TRPM8: variants seen among roughly 807,000 people sequenced by gnomAD.
TRPM8 encodes TRPM8 cationic channel.
A neutral mutation model predicts 133.7 loss-of-function variants in TRPM8; 110 were observed. The observed-to-expected ratio is 0.82, with a 90% confidence interval of 0.70 to 0.96. The LOEUF (loss-of-function observed/expected upper bound fraction) is 0.96, where lower values mean the gene tolerates loss of function less well. Among genes scored for constraint, TRPM8 ranks in the 40% least tolerant of loss-of-function variants. TRPM8 has a pLI of 0.00. For missense variants in TRPM8, 1,291 were observed against 1,379.5 expected (o/e 0.94, Z 1.02); for synonymous variants, 535 against 532.3 (o/e 1.01, Z -0.07).
intron 8 of TRPM8, among the ~76,000 whole-genome samples, chr2:233,947,992 G>A (rs1691086000): frequency 6.6e-6 from 1 of 151,990 alleles, no homozygotes; most frequent in Non-Finnish European, 1.5e-5. Context: ...ATTTTCAAGA[G>A]CTCATTTTTC....
chr2:234,011,647 A>G (rs1005909317), intron 24 of TRPM8, among the ~76,000 whole-genome samples: 6 of 152,076 alleles, frequency 3.9e-5, no homozygotes, highest in Non-Finnish European at 1.5e-5. Context: ...GGCCGGGCGC[A>G]GTGGTTCATG....
intron 2 of TRPM8, among the ~76,000 whole-genome samples, chr2:233,927,956 CTCTCTT>C (rs1301391712): frequency 0.017 from 1,210 of 70,172 alleles, 255 homozygotes; most frequent in African/African-American, 0.026. Flanking sequence ...CTCTCTCTCT[CTCTCTT>C]TCTTTCTTTC....
At chr2:233,968,987 C>T (rs1054150800) in intron 15 of TRPM8, among the ~76,000 whole-genome samples, 6 of 152,022 alleles carry the variant, frequency 3.9e-5, no homozygotes, top group African/African-American at 4.8e-5. Flanking sequence ...AGAAATGAAT[C>T]GTTGGGGACC....
chr2:233,944,240 G>T (rs1690987049), intron 6 of TRPM8, among the ~76,000 whole-genome samples: 1 of 152,198 alleles, frequency 6.6e-6, no homozygotes. Flanking sequence ...GCCAACTTCA[G>T]GGATGAGAGT....
intron 9 of TRPM8, chr2:233,953,632 C>A (rs928496627): frequency 4.4e-6 from 1 of 228,108 alleles, no homozygotes; most frequent in Non-Finnish European, 8.5e-6. Context: ...CTGCCATGTG[C>A]CAGGCTTTGT....
At chr2:233,942,550 C>A in intron 5 of TRPM8, 26 bp from the exon 6 acceptor site, 1 of 1,613,808 alleles carries the variant, frequency 6.2e-7, no homozygotes, top group Non-Finnish European at 8.5e-7. Context: ...GCCACTTGAC[C>A]ATTTACTCTT....
In TRPM8 at chr2:234,006,934, C is replaced by T. The variant is rs201836188; in HGVS notation, c.3212C>T (p.Ala1071Val). ...ENYLVKINTK[A>V]NDTSEEMRHR... is the part of the protein sequence containing the mutation. ...TACCTTGTCAAGATCAACACAAAAG[C>T]CAACGACACCTCAGAGGAGTATGTC... is the stretch of plus-strand genomic sequence containing the variant. Residue 1071 changes from alanine (A) to valine (V), a missense_variant, in exon 23 of 26, where the codon GCC becomes GTC. Physicochemically the swap from Ala to Val is moderately conservative, Grantham distance 64. This residue lies in a region of TRPM8 where 328 missense variants were observed against 410.6 expected (regional missense o/e 0.80). Coordinates refer to ENST00000324695, the MANE Select transcript of TRPM8 (RefSeq NM_024080.5). 292 of 1,613,418 alleles carry T rather than the reference C, an allele frequency of 1.8e-4. No homozygotes were observed. Among genetic ancestry groups the T allele is most frequent in the Non-Finnish European group, 2.4e-4 (282 of 1,179,544 alleles).
intron 21 of TRPM8, among the ~76,000 whole-genome samples, chr2:233,988,581 G>A (rs1466096948): frequency 6.6e-6 from 1 of 152,162 alleles, no homozygotes; most frequent in African/African-American, 2.4e-5. Context: ...AGCACCAATG[G>A]TGAGTAACAA....
In TRPM8 at chr2:233,979,119, G is replaced by A. The variant is rs77351904; in HGVS notation, c.2356-1069G>A. ...TAGGAAATATAATATCTAAATATCA[G>A]ATGGACTCCTATTGGTGAGTTCATT... On this transcript the variant is annotated intron_variant, in intron 17 of 25. Transcript: ENST00000324695. Among the ~76,000 whole-genome samples the A allele has an allele frequency of 4.6e-3, 694 of 152,258 alleles. 2 individuals carry two copies. The highest frequency in any genetic ancestry group is 0.016 in the African/African-American group (653 of 41,542).
intron 9 of TRPM8, among the ~76,000 whole-genome samples, chr2:233,950,927 G>T (rs1691158335): frequency 6.6e-6 from 1 of 152,152 alleles, no homozygotes; most frequent in Non-Finnish European, 1.5e-5. Flanking sequence ...AGGGCTGGGT[G>T]CAATGACTCA....
chr2:233,952,782 C>T (rs1442895809), intron 9 of TRPM8, among the ~76,000 whole-genome samples: 9 of 151,966 alleles, frequency 5.9e-5, no homozygotes, highest in South Asian at 4.2e-4. Context: ...CTCCTGTGGC[C>T]GTCTCTGGGG....
At chr2:234,014,853 A>T (rs1466706896) in intron 25 of TRPM8, among the ~76,000 whole-genome samples, 199 bp downstream of exon 25, 1 of 151,876 alleles carries the variant, frequency 6.6e-6, no homozygotes, top group Non-Finnish European at 1.5e-5. Context: ...TTCCCTACCA[A>T]TTTTGCTGCC....
At position 233,946,757 on chromosome 2, in the gene TRPM8, T is replaced by C. The variant is rs553997447; in HGVS notation, c.875-331T>C. Among the ~76,000 whole-genome samples, 5 of 152,340 alleles carry C rather than the reference T, an allele frequency of 3.3e-5. No homozygotes were observed. The East Asian group carries it at 9.6e-4, about 29-fold the overall frequency. ...AGTTCTCACTCAAGCAAGCATAGGA[T>C]TATAGGAAAGCATCATTATTATAAG... On this transcript the variant is annotated intron_variant, in intron 7 of 25. Coordinates refer to ENST00000324695, the MANE Select transcript of TRPM8 (RefSeq NM_024080.5).
chr2:233,966,366 C>T lies in TRPM8; in HGVS notation c.1880-244C>T, dbSNP rs1691575356. On this transcript the variant is annotated intron_variant, in intron 14 of 25. Transcript: ENST00000324695. ...GGGGCTCCCTCTGTCCAATGCAGCT[C>T]AATCCAGTGAGCAGTTATTGTCACC... Among the ~76,000 whole-genome samples the T allele has an allele frequency of 3.3e-5, 5 of 152,162 alleles. No homozygotes were observed. In the South Asian group the frequency reaches 1.0e-3, roughly 32 times the overall value.
intron 11 of TRPM8, among the ~76,000 whole-genome samples, chr2:233,956,360 A>G (rs1403632476): frequency 6.6e-6 from 1 of 152,176 alleles, no homozygotes; most frequent in Non-Finnish European, 1.5e-5. Context: ...GCATTTTCTC[A>G]CTTTTCAATG....
chr2:233,926,163 G>A (rs775735237), intron 1 of TRPM8, among the ~76,000 whole-genome samples: 1 of 152,198 alleles, frequency 6.6e-6, no homozygotes, highest in Non-Finnish European at 1.5e-5. Flanking sequence ...TACTTAGCAA[G>A]TAGCTACTGC....
At chr2:234,000,745 C>G (rs913078514) in intron 22 of TRPM8, among the ~76,000 whole-genome samples, 2 of 151,266 alleles carry the variant, frequency 1.3e-5, no homozygotes, top group Non-Finnish European at 2.9e-5. Flanking sequence ...GTGGCGCAGT[C>G]TCGGCTCTCT....
At chr2:234,016,921 C>T (rs1270917243) in intron 25 of TRPM8, among the ~76,000 whole-genome samples, 1 of 152,116 alleles carries the variant, frequency 6.6e-6, no homozygotes, top group Non-Finnish European at 1.5e-5. Context: ...TTGGGGGACT[C>T]ATCAAAAACC....
chr2:234,000,390 T>C (rs1692525515), intron 22 of TRPM8, among the ~76,000 whole-genome samples: 1 of 152,326 alleles, frequency 6.6e-6, no homozygotes. Flanking sequence ...ATTACAGGCA[T>C]GAGCCACTGC....
Sources: gnomAD v4.1 joint callset for allele counts (sites outside exome capture counted in the v4.1 genomes callset) on GRCh38, gnomAD v4.1.1 for gene constraint, gnomAD v4.1.1 regional missense constraint, MANE v1.5 for transcripts, NCBI Gene and HGNC (gene_info 2026-07-23, HGNC 2026-07-21) for gene names.